Variants in ABTB3 observed in about 807,000 individuals in gnomAD.
The protein encoded by ABTB3 is ankyrin repeat and BTB domain containing 3, also known as ankyrin repeat- and BTB/POZ domain-containing protein 3.
the ABTB3 span, among the ~76,000 whole-genome samples, chr12:107,424,256 G>A: frequency 3.9e-5 from 6 of 152,278 alleles, no homozygotes; most frequent in African/African-American, 4.8e-5. Context: ...CAGGTTCAGC[G>A]CTTCTCCAGT....
chr12:107,425,481 AG>A, the ABTB3 span, among the ~76,000 whole-genome samples: 1 of 152,212 alleles, frequency 6.6e-6, no homozygotes, highest in African/African-American at 2.4e-5. Flanking sequence ...TCACCTTAAA[AG>A]GGTTAATTTT....
At chr12:107,499,104 C>T in the ABTB3 span, among the ~76,000 whole-genome samples, 1 of 151,888 alleles carries the variant, frequency 6.6e-6, no homozygotes, top group African/African-American at 2.4e-5. Context: ...GGTCTTGGCA[C>T]ACAGTAGGCA....
At chr12:107,368,295 C>A in the ABTB3 span, among the ~76,000 whole-genome samples, 8 of 152,160 alleles carry the variant, frequency 5.3e-5, no homozygotes, top group Admixed American at 2.0e-4. Context: ...CAGAAGGTGA[C>A]AAATAGCACA....
At chr12:107,342,681 G>A in the ABTB3 span, among the ~76,000 whole-genome samples, 1 of 152,228 alleles carries the variant, frequency 6.6e-6, no homozygotes, top group Admixed American at 6.5e-5. Context: ...GCTCCTCCTA[G>A]GCAGAGCATC....
At chr12:107,427,975 C>G in the ABTB3 span, among the ~76,000 whole-genome samples, 1 of 152,138 alleles carries the variant, frequency 6.6e-6, no homozygotes, top group Non-Finnish European at 1.5e-5. Context: ...AGTCAGAATC[C>G]CCCAGAACAG....
At chr12:107,598,125 G>A in the ABTB3 span, among the ~76,000 whole-genome samples, 6 of 152,248 alleles carry the variant, frequency 3.9e-5, no homozygotes, top group Admixed American at 6.5e-5. Context: ...AGAGCTAGGA[G>A]CTTCCTTTTA....
At chr12:107,344,343 A>G in the ABTB3 span, among the ~76,000 whole-genome samples, 4 of 152,120 alleles carry the variant, frequency 2.6e-5, no homozygotes, top group Non-Finnish European at 5.9e-5. Context: ...CACCACTACC[A>G]CCCAATCATG....
chr12:107,346,404 A>T, the ABTB3 span, among the ~76,000 whole-genome samples: 1 of 152,184 alleles, frequency 6.6e-6, no homozygotes, highest in Non-Finnish European at 1.5e-5. Context: ...CTCTAGCTAT[A>T]GCTCTTCGTT....
the ABTB3 span, among the ~76,000 whole-genome samples, chr12:107,429,030 G>A: frequency 6.6e-6 from 1 of 152,232 alleles, no homozygotes; most frequent in Admixed American, 6.5e-5. Flanking sequence ...AGGTCCAGGG[G>A]AAAGAGAGGG....
chr12:107,654,842 A>G, the ABTB3 span, among the ~76,000 whole-genome samples: 4 of 140,240 alleles, frequency 2.9e-5, no homozygotes, highest in Non-Finnish European at 4.6e-5. Context: ...ACACACACAC[A>G]CACACACACA....
chr12:107,607,452 C>T, the ABTB3 span, among the ~76,000 whole-genome samples: 34 of 152,290 alleles, frequency 2.2e-4, no homozygotes, highest in African/African-American at 7.2e-4. Context: ...CTTCCAACAG[C>T]GTTGGGGTGT....
At chr12:107,397,904 G>A in the ABTB3 span, among the ~76,000 whole-genome samples, 1 of 152,232 alleles carries the variant, frequency 6.6e-6, no homozygotes, top group African/African-American at 2.4e-5. Flanking sequence ...TCCGTTCTGT[G>A]CTGCGTTGAC....
At chr12:107,420,383 A>C in the ABTB3 span, among the ~76,000 whole-genome samples, 3 of 152,222 alleles carry the variant, frequency 2.0e-5, no homozygotes, top group African/African-American at 7.2e-5. Flanking sequence ...GAGGCCTCAC[A>C]ATCATGGCGT....
chr12:107,535,662 T>C, the ABTB3 span, among the ~76,000 whole-genome samples: 3 of 151,978 alleles, frequency 2.0e-5, no homozygotes, highest in African/African-American at 7.3e-5. Flanking sequence ...AGCAATCCCA[T>C]TTACAATAGC....
At chr12:107,456,463 C>T in the ABTB3 span, among the ~76,000 whole-genome samples, 4 of 152,202 alleles carry the variant, frequency 2.6e-5, no homozygotes, top group African/African-American at 9.6e-5. Context: ...AAGTCGTGCG[C>T]TCCTTATGAG....
the ABTB3 span, among the ~76,000 whole-genome samples, chr12:107,443,230 T>C: frequency 2.8e-4 from 43 of 151,988 alleles, no homozygotes; most frequent in Non-Finnish European, 5.3e-4. Context: ...TCAGAAGGAA[T>C]TGAAGAGAAT....
At chr12:107,573,536 A>G in the ABTB3 span, among the ~76,000 whole-genome samples, 2 of 151,816 alleles carry the variant, frequency 1.3e-5, no homozygotes, top group Non-Finnish European at 2.9e-5. Context: ...GTGAGTGGAC[A>G]GATAGACAGA....
the ABTB3 span, among the ~76,000 whole-genome samples, chr12:107,510,156 C>T: frequency 1.6e-4 from 24 of 152,280 alleles, no homozygotes; most frequent in Admixed American, 8.5e-4. Context: ...AGGGCTGCTG[C>T]GTTGCTGCAC....
the ABTB3 span, among the ~76,000 whole-genome samples, chr12:107,380,610 T>G: frequency 1.2e-4 from 18 of 152,198 alleles, no homozygotes; most frequent in Admixed American, 9.8e-4. Context: ...CTGAACCCCA[T>G]GCCGAGTCAT....
Sources: gnomAD v4.1 joint callset for allele counts (sites outside exome capture counted in the v4.1 genomes callset) on GRCh38, gnomAD v4.1.1 for gene constraint, MANE v1.5 for transcripts, NCBI Gene and HGNC (gene_info 2026-07-23, HGNC 2026-07-21) for gene names.